MMD: variants seen among roughly 807,000 people sequenced by gnomAD.
MMD encodes monocyte to macrophage differentiation factor.
Under a neutral mutation model 33.6 loss-of-function variants are expected in MMD, and 22 were observed. That is an observed-to-expected ratio of 0.66 (90% CI 0.47 to 0.94). MMD has a LOEUF of 0.94. Ranked by LOEUF, MMD falls within the 40% of genes least tolerant of loss-of-function variation. MMD has a pLI of 0.00. For missense variants in MMD, 242 were observed against 309.8 expected, an observed-to-expected ratio of 0.78 and a Z score of 1.64; for synonymous variants, 97 against 103.2, an observed-to-expected ratio of 0.94 and a Z score of 0.36.
At chr17:55,407,644 CAT>C (rs1907607258) in intron 4 of MMD, 100 bp downstream of exon 4, 1 of 1,023,946 alleles carries the variant, frequency 9.8e-7, no homozygotes, top group Non-Finnish European at 1.5e-6. Context: ...GTGGTGTACA[CAT>C]GAGGGCTGAG....
intron 6 of MMD, among the ~76,000 whole-genome samples, chr17:55,401,147 T>C (rs1201775865): frequency 6.6e-6 from 1 of 152,160 alleles, no homozygotes; most frequent in Non-Finnish European, 1.5e-5. Flanking sequence ...TACGAGTTGC[T>C]GGCACACTTC....
chr17:55,400,704 C>T (rs1017389046), intron 6 of MMD, among the ~76,000 whole-genome samples: 1 of 152,042 alleles, frequency 6.6e-6, no homozygotes. Context: ...GCCTAAGATA[C>T]TGCAATATAT....
intron 3 of MMD, among the ~76,000 whole-genome samples, chr17:55,408,067 C>T (rs1051601424): frequency 5.3e-5 from 8 of 152,158 alleles, no homozygotes; most frequent in African/African-American, 1.9e-4. Flanking sequence ...AGGGACAGGG[C>T]CCCATGATAG....
chr17:55,405,760 C>T (rs1015064455), intron 4 of MMD, among the ~76,000 whole-genome samples: 1 of 152,138 alleles, frequency 6.6e-6, no homozygotes, highest in Non-Finnish European at 1.5e-5. Flanking sequence ...CTTTTTACTC[C>T]TTCAGATAAT....
chr17:55,404,331 G>A, intron 4 of MMD: 1 of 493,872 alleles, frequency 2.0e-6, no homozygotes, highest in South Asian at 8.8e-5. Context: ...CTCCAGTCTG[G>A]GCGACAGAGC....
At chr17:55,407,562 A>G (rs1567848899) in intron 4 of MMD, among the ~76,000 whole-genome samples, 184 bp downstream of exon 4, 1 of 152,148 alleles carries the variant, frequency 6.6e-6, no homozygotes, top group Non-Finnish European at 1.5e-5. Context: ...TCCCCTTCAA[A>G]TATGCAATCT....
At chr17:55,414,080 A>C in intron 2 of MMD, 71 bp downstream of exon 2, 166 of 1,397,756 alleles carry the variant, frequency 1.2e-4, no homozygotes, top group Non-Finnish European at 1.6e-4. Context: ...TGAGGTTACT[A>C]GAGATAACTA....
intron 6 of MMD, among the ~76,000 whole-genome samples, chr17:55,395,813 T>C (rs1038755380): frequency 6.6e-6 from 1 of 152,224 alleles, no homozygotes; most frequent in Admixed American, 6.5e-5. Context: ...CTCAAGGTTA[T>C]ACAGCAATGA....
At chr17:55,415,083 A>C (rs555556509) in intron 1 of MMD, among the ~76,000 whole-genome samples, 1 of 152,284 alleles carries the variant, frequency 6.6e-6, no homozygotes, top group South Asian at 2.1e-4. Context: ...CAGAACCTAA[A>C]GAGAGGATAG....
chr17:55,409,190 C>T (rs1025776081), intron 3 of MMD, among the ~76,000 whole-genome samples: 6 of 152,184 alleles, frequency 3.9e-5, no homozygotes, highest in African/African-American at 1.4e-4. Context: ...AAGAAGCAAA[C>T]ATTACGTCAA....
intron 5 of MMD, among the ~76,000 whole-genome samples, chr17:55,401,993 CG>C (rs1907352180): frequency 2.8e-5 from 1 of 35,614 alleles, no homozygotes; most frequent in Non-Finnish European, 4.9e-5. Flanking sequence ...GGCGTGAACC[CG>C]AATGGCGTGA....
chr17:55,421,577 C>T, intron 1 of MMD, 93 bp downstream of exon 1: 1 of 1,544,130 alleles, frequency 6.5e-7, no homozygotes, highest in East Asian at 2.4e-5. Context: ...CAGGATGAAT[C>T]CAGGTGAGGA....
intron 4 of MMD, among the ~76,000 whole-genome samples, chr17:55,406,794 G>A (rs1907565832): frequency 6.6e-6 from 1 of 152,168 alleles, no homozygotes; most frequent in African/African-American, 2.4e-5. Context: ...AAAGAGGTGG[G>A]AGAATCACTT....
At chr17:55,402,021 T>C (rs1239790591) in intron 5 of MMD, among the ~76,000 whole-genome samples, 2 of 147,620 alleles carry the variant, frequency 1.4e-5, no homozygotes, top group Non-Finnish European at 3.0e-5. Context: ...GAGGCGGGGC[T>C]TGCAGTGAGC....
Position 55,394,525 on chromosome 17 carries a change from C to A in MMD, c.526G>T (p.Asp176Tyr), listed in dbSNP as rs201100284. The change falls in exon 7 of 7, where the codon GAT becomes TAT. Residue 176 changes from aspartate to tyrosine, a missense_variant. Physicochemically the swap from Asp to Tyr is radical, Grantham distance 160. Coordinates refer to ENST00000262065, the MANE Select transcript of MMD (RefSeq NM_012329.3). ...ALVVTSMNNTDGLQELACGGL... is the reference protein window; with the variant it reads ...ALVVTSMNNTYGLQELACGGL... ...CCACAGGCAAGTTCCTGAAGTCCAT[C>A]GGTGTTGTTCTGTCAACAGAGAAAA... The A allele has an allele frequency of 1.3e-5, 19 of 1,498,702 alleles. No individual in the cohort carries two copies. Among genetic ancestry groups the A allele is most frequent in the African/African-American group, 2.9e-5 (2 of 68,832 alleles). The allele number at this position is 1,498,702 out of a possible 1,614,324, so 92.8% of individuals were successfully genotyped here.
At chr17:55,406,694 C>G (rs889282400) in intron 4 of MMD, among the ~76,000 whole-genome samples, 2 of 151,596 alleles carry the variant, frequency 1.3e-5, no homozygotes, top group African/African-American at 4.8e-5. Flanking sequence ...AACCTGGTAT[C>G]GACAACATGG....
chr17:55,404,597 T>C (rs1907473002), intron 4 of MMD: 1 of 985,322 alleles, frequency 1.0e-6, no homozygotes, highest in East Asian at 1.1e-4. Context: ...GGATACCTAA[T>C]ACACAAACCA....
At position 55,394,364 on chromosome 17, in the gene MMD, T is replaced by A; in HGVS notation, c.687A>T (p.Arg229=). 7.1e-7 allele frequency: 1 copy of A among 1,409,520 alleles called. No homozygotes were observed. Among genetic ancestry groups the A allele is most frequent in the Non-Finnish European group, 9.3e-7 (1 of 1,077,358 alleles). 87.3% of individuals were successfully genotyped at this position (1,409,520 alleles called of 1,614,324 possible). The change falls in exon 7 of 7, where the codon CGA becomes CGT. Residue 229 remains arginine (R), a synonymous_variant. Coordinates refer to ENST00000262065, the MANE Select transcript of MMD (RefSeq NM_012329.3). The part of the protein sequence containing the change: ...HYYAIWKYLY[R]SPTDFMRHL The stretch of plus-strand genomic sequence containing the variant: ...AATGCCGCATAAAGTCCGTAGGACT[T>A]CGGTAAAGGTATTTCCAAATGGCGT...
intron 2 of MMD, among the ~76,000 whole-genome samples, chr17:55,413,278 T>C (rs1013084047): frequency 6.6e-4 from 100 of 152,362 alleles, no homozygotes; most frequent in African/African-American, 2.4e-3. Context: ...CTTTTCTCTA[T>C]TTCTTGTTTT....
Sources: allele counts gnomAD v4.1 joint callset (sites outside exome capture counted in the v4.1 genomes callset), GRCh38; gene constraint gnomAD v4.1.1; transcripts MANE v1.5; gene names NCBI Gene and HGNC (gene_info 2026-07-23, HGNC 2026-07-21).